BDP1: variants seen among roughly 807,000 people sequenced by gnomAD.
The protein encoded by BDP1 is BDP1 general transcription factor IIIB subunit, also known as transcription factor TFIIIB component B'' homolog.
Under a neutral mutation model 266.6 loss-of-function variants are expected in BDP1, and 169 were observed. The ratio of observed to expected loss-of-function variants is 0.63; its 90% CI spans 0.56 to 0.72. The LOEUF is 0.72. BDP1 is among the 30% of genes least tolerant of loss of function. The pLI is 0.00. For synonymous variants in BDP1, 1,090 were observed against 1,022.4 expected (o/e 1.07, Z -1.26); for missense variants, 3,015 against 3,053.8 (o/e 0.99, Z 0.30).
chr5:71,462,338 A>G (rs1260078846), intron 3 of BDP1, among the ~76,000 whole-genome samples: 1 of 152,246 alleles, frequency 6.6e-6, no homozygotes, highest in East Asian at 1.9e-4. Flanking sequence ...TTCCAAAAAC[A>G]TGTTGACAAA....
Position 71,567,052 on chromosome 5 carries a change from C to G in BDP1, c.*2167C>G, listed in dbSNP as rs12659208. On this transcript the variant is annotated 3_prime_UTR_variant, in exon 39 of 39. Coordinates refer to ENST00000358731, the MANE Select transcript of BDP1 (RefSeq NM_018429.3). ...AGAGAGGAGGCTATATAATTCGGAG[C>G]GGAAATTGTCTATAAGTAGGCATTT... 6.6e-6 allele frequency: 1 copy of G among 151,988 alleles called. No individual in the cohort carries two copies. Among genetic ancestry groups the G allele is most frequent in the Non-Finnish European group, 1.5e-5 (1 of 67,998 alleles). 9.4% of individuals were successfully genotyped at this position (151,988 alleles called of 1,614,324 possible).
At chr5:71,529,110 G>A (rs946813708) in intron 25 of BDP1, among the ~76,000 whole-genome samples, 3 of 152,134 alleles carry the variant, frequency 2.0e-5, no homozygotes, top group African/African-American at 7.2e-5. Flanking sequence ...AAAGCATTGA[G>A]GCCAGGCACG....
At position 71,501,673 on chromosome 5, in the gene BDP1, TAAAAA is replaced by T. The variant is rs11441119; in HGVS notation, c.2048+36_2048+40del. ...ATCTGTGTGAGTATTCAGGAAGTAG[TAAAAA>T]AAAAAAAAAAAAAAAGTAACTCTTA... is the stretch of plus-strand genomic sequence containing the variant. On this transcript the variant is annotated intron_variant, in intron 14 of 38. Transcript: ENST00000358731. 375 of 544,568 alleles carry T rather than the reference TAAAAA, an allele frequency of 6.9e-4. No individual in the cohort carries two copies. The highest frequency in any genetic ancestry group is 1.1e-3 in the South Asian group (33 of 30,640). 33.7% of individuals were successfully genotyped at this position (544,568 alleles called of 1,614,324 possible). A position where few individuals can be genotyped will look rare whatever the true frequency, so the allele number is the denominator to read the frequency against.
chr5:71,553,263 T>A lies in BDP1; in HGVS notation c.7143T>A (p.Pro2381=). The stretch of plus-strand genomic sequence containing the variant: ...GGCTTGATAAAAATGACCACATTCC[T>A]CCTGCCAAAAAACGTTCACTCACTT... The part of the protein sequence containing the change: ...QCRLDKNDHI[P]PAKKRSLTLR... Residue 2381 remains proline (P), a synonymous_variant, in exon 35 of 39, where the codon CCT becomes CCA. Transcript: ENST00000358731. 1 of 1,613,202 alleles carries A rather than the reference T, an allele frequency of 6.2e-7. No homozygotes were observed. The highest frequency in any genetic ancestry group is 8.5e-7 in the Non-Finnish European group (1 of 1,179,922).
intron 7 of BDP1, among the ~76,000 whole-genome samples, chr5:71,474,492 A>T (rs1412496388): frequency 6.6e-6 from 1 of 151,988 alleles, no homozygotes; most frequent in Non-Finnish European, 1.5e-5. Context: ...CACTATGCCC[A>T]GCTAATTTTT....
chr5:71,540,434 TCTC>T (rs1006775096), intron 28 of BDP1, among the ~76,000 whole-genome samples: 1 of 152,086 alleles, frequency 6.6e-6, no homozygotes, highest in African/African-American at 2.4e-5. Flanking sequence ...CTCAAGCAAT[TCTC>T]CTGCCTTAGC....
At position 71,541,570 on chromosome 5, in the gene BDP1, A is replaced by G. The variant is rs752620379; in HGVS notation, c.6139A>G (p.Ile2047Val). Residue 2047 changes from isoleucine to valine, a missense_variant, in exon 29 of 39, where the codon ATT becomes GTT. Physicochemically the swap from Ile to Val is conservative, Grantham distance 29. Around this residue, in one of 3 missense-constraint regions of BDP1, gnomAD observed 2,383 missense variants for 2,404.9 expected, o/e 0.99. Coordinates refer to ENST00000358731, the MANE Select transcript of BDP1 (RefSeq NM_018429.3). ...ATGTCAGGAACTTTCTTCACCTGTCATTACTACATCTCCTGCATCATTTGA... is the reference window on the plus strand; with the variant it reads ...ATGTCAGGAACTTTCTTCACCTGTCGTTACTACATCTCCTGCATCATTTGA... ...HECQELSSPV[I>V]TTSPASFEEN... The G allele has an allele frequency of 5.6e-6, 9 of 1,612,556 alleles. No homozygotes were observed. The South Asian group carries it at 7.7e-5, about 14-fold the overall frequency.
Position 71,553,198 on chromosome 5 carries a change from G to T in BDP1, c.7078G>T (p.Asp2360Tyr), listed in dbSNP as rs749148647. The T allele has an allele frequency of 6.2e-7, 1 of 1,613,304 alleles. No individual in the cohort carries two copies. The highest frequency in any genetic ancestry group is 1.1e-5 in the South Asian group (1 of 91,048). Residue 2360 changes from aspartate to tyrosine, a missense_variant, in exon 35 of 39, where the codon GAT (aspartate) becomes TAT (tyrosine). Coordinates refer to ENST00000358731, the MANE Select transcript of BDP1 (RefSeq NM_018429.3). Reference sequence around the variant, plus strand: ...AAGAGATAATTCTAAAAAGCCGCCTGATAATTTGGATCTTGTATCTAGGAA... The same window carrying T: ...AAGAGATAATTCTAAAAAGCCGCCTTATAATTTGGATCTTGTATCTAGGAA... ...SGRDNSKKPP[D>Y]NLDLVSRKRF...
chr5:71,471,226 T>C (rs944424325), intron 7 of BDP1, among the ~76,000 whole-genome samples: 2 of 138,386 alleles, frequency 1.4e-5, no homozygotes, highest in African/African-American at 5.4e-5. Flanking sequence ...CACTGCAACC[T>C]CTGCCTCCTA....
At chr5:71,459,608 A>G (rs187071889) in intron 2 of BDP1, among the ~76,000 whole-genome samples, 2 of 152,340 alleles carry the variant, frequency 1.3e-5, no homozygotes. Flanking sequence ...TTATGCATAT[A>G]TTAGAGTCCA....
At chr5:71,485,289 T>C (rs995481658) in intron 8 of BDP1, among the ~76,000 whole-genome samples, 1 of 152,130 alleles carries the variant, frequency 6.6e-6, no homozygotes, top group Non-Finnish European at 1.5e-5. Context: ...ATCTCAAAAC[T>C]AGAAACAACT....
intron 18 of BDP1, 102 bp from the exon 19 acceptor site, chr5:71,513,083 A>G: frequency 1.4e-6 from 1 of 731,878 alleles, no homozygotes; most frequent in Non-Finnish European, 2.2e-6. Context: ...AAAAAAAAAA[A>G]AAAAATTAAA....
downstream of BDP1, among the ~76,000 whole-genome samples, chr5:71,569,671 A>G (rs998974679): frequency 1.3e-5 from 2 of 152,168 alleles, no homozygotes; most frequent in African/African-American, 4.8e-5. Flanking sequence ...ACTTGAGCCC[A>G]GAGGTGGAGG....
chr5:71,545,010 A>G (rs745442296), intron 31 of BDP1, 29 bp from the exon 32 acceptor site: 1 of 1,608,124 alleles, frequency 6.2e-7, no homozygotes. Context: ...CCTGATTTCA[A>G]ATGACATGCA....
At chr5:71,538,007 A>G (rs1052812278) in intron 26 of BDP1, among the ~76,000 whole-genome samples, 1 of 152,174 alleles carries the variant, frequency 6.6e-6, no homozygotes, top group Non-Finnish European at 1.5e-5. Context: ...CAGGCTAAAG[A>G]AGTTACTTTC....
intron 37 of BDP1, among the ~76,000 whole-genome samples, chr5:71,561,912 T>A (rs568177667): frequency 7.2e-5 from 11 of 152,232 alleles, no homozygotes; most frequent in African/African-American, 2.4e-4. Flanking sequence ...CCTTAAGTGG[T>A]CTTCCCACCT....
In BDP1 at chr5:71,458,632, C is replaced by G; in HGVS notation, c.266C>G (p.Ser89Cys). ...GTTGAAGAATCCAGTAGATCTTCCT[C>G]TACTGTTTCACAGAGAAGAAAGCGA... The part of the protein sequence containing the change: ...NDVEESSRSS[S>C]TVSQRRKRIS... The change falls in exon 2 of 39, where the codon TCT (serine) becomes TGT (cysteine). Residue 89 changes from serine to cysteine, a missense_variant. Ser to Cys is a moderately radical substitution (Grantham distance 112). Transcript: ENST00000358731. 1 of 1,613,512 alleles carries G rather than the reference C, an allele frequency of 6.2e-7. No homozygotes were observed. Among genetic ancestry groups the G allele is most frequent in the Non-Finnish European group, 8.5e-7 (1 of 1,179,456 alleles).
chr5:71,508,771 CAGAA>C (rs1764729603), intron 16 of BDP1, among the ~76,000 whole-genome samples: 2 of 152,138 alleles, frequency 1.3e-5, no homozygotes, highest in Non-Finnish European at 2.9e-5. Context: ...TTATAATAAA[CAGAA>C]AGCAAAACAA....
In BDP1 at chr5:71,458,795, C is replaced by G; in HGVS notation, c.429C>G (p.Tyr143Ter). ...TKEKQPCSDR[Y>*]RIYKAQKLRE... ...AGAAACAGCCATGCTCAGACAGATACCGAATATACAAAGCCCAGAAACTGA... is the reference window on the plus strand; with the variant it reads ...AGAAACAGCCATGCTCAGACAGATAGCGAATATACAAAGCCCAGAAACTGA... The change falls in exon 2 of 39, where the codon TAC becomes TAG. Residue 143 changes from tyrosine (Y) to a stop codon, truncating the protein, a stop_gained. Coordinates refer to ENST00000358731, the MANE Select transcript of BDP1 (RefSeq NM_018429.3). LOFTEE classifies it high-confidence loss of function. The G allele has an allele frequency of 6.2e-7, 1 of 1,613,906 alleles. No homozygotes were observed. Among genetic ancestry groups the G allele is most frequent in the Non-Finnish European group, 8.5e-7 (1 of 1,179,964 alleles).
Sources: allele counts gnomAD v4.1 joint callset (sites outside exome capture counted in the v4.1 genomes callset), GRCh38; gene constraint gnomAD v4.1.1; regional missense constraint gnomAD v4.1.1; transcripts MANE v1.5; gene names NCBI Gene and HGNC (gene_info 2026-07-23, HGNC 2026-07-21).